Variants in SPAG16 observed in about 807,000 individuals in gnomAD.
SPAG16 encodes sperm associated antigen 16.
In SPAG16, 86 loss-of-function variants were observed where a neutral mutation model predicts 80.4. The ratio of observed to expected loss-of-function variants is 1.07; its 90% confidence interval spans 0.90 to 1.28. SPAG16 has a LOEUF of 1.28. Ranked by LOEUF, SPAG16 falls within the 50% of genes most tolerant of loss-of-function variation. The probability of loss-of-function intolerance (pLI) is 0.00; values close to 1 mark genes in which losing one functional copy is unlikely to be tolerated. For missense variants in SPAG16, 870 were observed against 765.3 expected (o/e 1.14, Z -1.61); for synonymous variants, 294 against 265.9 (o/e 1.11, Z -1.03).
At chr2:213,726,937 A>AT (rs1363238827) in intron 10 of SPAG16, among the ~76,000 whole-genome samples, 2 of 152,208 alleles carry the variant, frequency 1.3e-5, no homozygotes, top group Non-Finnish European at 2.9e-5. Context: ...TACTCCGCAA[A>AT]TTTAATTTTG....
At chr2:214,387,274 T>C (rs1371064394) in intron 15 of SPAG16, among the ~76,000 whole-genome samples, 2 of 152,198 alleles carry the variant, frequency 1.3e-5, no homozygotes, top group African/African-American at 4.8e-5. Context: ...CAAATATTCA[T>C]TGAATTTCTG....
intron 12 of SPAG16, among the ~76,000 whole-genome samples, chr2:213,934,373 A>G (rs1163902570): frequency 1.3e-5 from 2 of 152,216 alleles, no homozygotes; most frequent in African/African-American, 2.4e-5. Flanking sequence ...GGTTACCATA[A>G]TGCAAGTGAC....
intron 13 of SPAG16, among the ~76,000 whole-genome samples, chr2:214,014,404 G>A (rs1436334851): frequency 3.3e-5 from 5 of 152,192 alleles, no homozygotes; most frequent in African/African-American, 4.8e-5. Context: ...CTAGGTAAAG[G>A]AAGAGAAACG....
At chr2:214,403,702 T>C (rs1701840731) in intron 15 of SPAG16, among the ~76,000 whole-genome samples, 1 of 152,172 alleles carries the variant, frequency 6.6e-6, no homozygotes, top group South Asian at 2.1e-4. Flanking sequence ...CAAATGGTAG[T>C]GTGAAAGCTG....
At chr2:213,316,543 T>C (rs908956351) in intron 4 of SPAG16, among the ~76,000 whole-genome samples, 2 of 152,066 alleles carry the variant, frequency 1.3e-5, no homozygotes, top group African/African-American at 4.8e-5. Flanking sequence ...CTTTCCTCAC[T>C]GTGACTCCCT....
intron 10 of SPAG16, among the ~76,000 whole-genome samples, chr2:213,572,046 T>C (rs2059930286): frequency 8.4e-6 from 1 of 119,192 alleles, no homozygotes; most frequent in Non-Finnish European, 1.6e-5. Flanking sequence ...CTGAGGCTTC[T>C]GCATTCTTCA....
At chr2:214,032,696 A>T (rs531173798) in intron 13 of SPAG16, among the ~76,000 whole-genome samples, 1 of 152,226 alleles carries the variant, frequency 6.6e-6, no homozygotes, top group Non-Finnish European at 1.5e-5. Flanking sequence ...AGATTCAGAA[A>T]TTATTTTTAA....
At chr2:213,332,666 A>G (rs948817535) in intron 5 of SPAG16, among the ~76,000 whole-genome samples, 23 of 152,194 alleles carry the variant, frequency 1.5e-4, no homozygotes. Context: ...TATTAAAAAG[A>G]TAATTCATCA....
At chr2:214,346,693 C>A (rs955231871) in intron 15 of SPAG16, among the ~76,000 whole-genome samples, 1 of 152,146 alleles carries the variant, frequency 6.6e-6, no homozygotes, top group Non-Finnish European at 1.5e-5. Context: ...CCACAAGGTA[C>A]AAAGCTCAAT....
rs2126008756 is a variant in SPAG16, at chr2:213,571,929, G to C, written c.1070+81839G>C. ...TAGTCCCATAGTTCTTGGAGGCTTT[G>C]CTCATTTCTTTTTATTCTTTTTTCT... On this transcript the variant is annotated intron_variant, in intron 10 of 15. Coordinates refer to ENST00000331683, the MANE Select transcript of SPAG16 (RefSeq NM_024532.5). Among the ~76,000 whole-genome samples the C allele has an allele frequency of 2.2e-5, 3 of 137,716 alleles. No homozygotes were observed. The East Asian group carries it at 6.1e-4, about 28-fold the overall frequency. The allele number at this position is 137,716 out of a possible 152,430, so 90.3% of individuals were successfully genotyped here. A position where few individuals can be genotyped will look rare whatever the true frequency, so the allele number is the denominator to read the frequency against.
chr2:214,305,675 TA>T (rs945563033), intron 15 of SPAG16, among the ~76,000 whole-genome samples: 1 of 152,200 alleles, frequency 6.6e-6, no homozygotes, highest in Admixed American at 6.5e-5. Context: ...AAAGATCAGA[TA>T]GTTGTAGCTG....
chr2:213,429,194 A>T lies in SPAG16; in HGVS notation c.942+54075A>T, dbSNP rs182394957. Among the ~76,000 whole-genome samples the T allele has an allele frequency of 1.1e-4, 16 of 152,226 alleles. No individual in the cohort carries two copies. The East Asian group carries it at 2.3e-3, about 22-fold the overall frequency. ...CTTCCTGTGCCAACTTGATACAGCA[A>T]TAATTGCTCTGTCTCAGGAATAATT... On this transcript the variant is annotated intron_variant, in intron 9 of 15. Coordinates refer to ENST00000331683, the MANE Select transcript of SPAG16 (RefSeq NM_024532.5).
intron 15 of SPAG16, among the ~76,000 whole-genome samples, chr2:214,291,783 A>T (rs1329086309): frequency 2.0e-5 from 3 of 151,958 alleles, no homozygotes; most frequent in Non-Finnish European, 4.4e-5. Flanking sequence ...TATTGTGGTT[A>T]GGTAGTTTTC....
At chr2:214,095,069 G>C (rs1172764260) in intron 13 of SPAG16, among the ~76,000 whole-genome samples, 1 of 151,992 alleles carries the variant, frequency 6.6e-6, no homozygotes, top group Non-Finnish European at 1.5e-5. Flanking sequence ...TGGGGAGGAT[G>C]ATGAGGTGGA....
intron 15 of SPAG16, chr2:214,238,936 A>G (rs1020471800): frequency 6.6e-6 from 1 of 152,164 alleles, no homozygotes; most frequent in African/African-American, 2.4e-5. Flanking sequence ...TTTGAAATCT[A>G]ACTTTGAGGA....
chr2:214,368,666 A>G (rs564112401), intron 15 of SPAG16, among the ~76,000 whole-genome samples: 1 of 152,164 alleles, frequency 6.6e-6, no homozygotes, highest in African/African-American at 2.4e-5. Flanking sequence ...TCTTTCCACT[A>G]TTACTATTAT....
chr2:213,331,987 A>G (rs1020311512), intron 5 of SPAG16, among the ~76,000 whole-genome samples: 2 of 152,188 alleles, frequency 1.3e-5, no homozygotes, highest in African/African-American at 4.8e-5. Flanking sequence ...AAAAGCTAGC[A>G]AAGCAAGAGC....
At chr2:214,074,313 G>A (rs997394488) in intron 13 of SPAG16, among the ~76,000 whole-genome samples, 8 of 152,114 alleles carry the variant, frequency 5.3e-5, no homozygotes, top group African/African-American at 1.2e-4. Flanking sequence ...ATGGAAGAGA[G>A]GTTGTTTTTA....
intron 13 of SPAG16, among the ~76,000 whole-genome samples, chr2:214,092,359 G>A (rs977890771): frequency 4.6e-5 from 7 of 152,052 alleles, no homozygotes; most frequent in Non-Finnish European, 8.8e-5. Flanking sequence ...GCCAACAGCA[G>A]GTGAATTGGT....
Sources: allele counts gnomAD v4.1 joint callset (sites outside exome capture counted in the v4.1 genomes callset), GRCh38; gene constraint gnomAD v4.1.1; transcripts MANE v1.5; gene names NCBI Gene and HGNC (gene_info 2026-07-23, HGNC 2026-07-21).